Variants in NUP188 observed in about 807,000 individuals in gnomAD.
The protein encoded by NUP188 is nucleoporin NUP188.
In NUP188, 97 loss-of-function variants were observed where a neutral mutation model predicts 223.0. The ratio of observed to expected loss-of-function variants is 0.43; its 90% CI spans 0.37 to 0.51. NUP188 has a LOEUF of 0.51. Ranked by LOEUF, NUP188 falls within the 20% of genes least tolerant of loss-of-function variation. NUP188 has a pLI of 0.00. For missense variants in NUP188, 1,947 were observed against 2,175.6 expected (o/e 0.89, Z 2.09); for synonymous variants, 869 against 828.0 (o/e 1.05, Z -0.85).
chr9:129,006,408 GCCAGAGCC>G (rs1325703971), intron 43 of NUP188, 40 bp downstream of exon 43: 1 of 1,613,986 alleles, frequency 6.2e-7, no homozygotes, highest in Admixed American at 1.7e-5. Context: ...GACCAATAGG[GCCAGAGCC>G]CTGTGGGGTC....
At chr9:128,948,974 C>T (rs1410794139) in intron 1 of NUP188, 1 of 396,948 alleles carries the variant, frequency 2.5e-6, no homozygotes, top group Admixed American at 4.2e-5. Context: ...ATCCGCCCGC[C>T]TCGACCTCCC....
intron 1 of NUP188, 150 bp downstream of exon 1, chr9:128,947,901 G>C (rs969193070): frequency 8.0e-6 from 5 of 625,496 alleles, no homozygotes; most frequent in South Asian, 1.1e-4. Context: ...AGGCGGTTAC[G>C]TCCAAACGGT....
Position 128,995,375 on chromosome 9 carries a change from G to T in NUP188, c.3212G>T (p.Arg1071Leu). 6.2e-7 allele frequency: 1 copy of T among 1,614,136 alleles called. No individual in the cohort carries two copies. The highest frequency in any genetic ancestry group is 8.5e-7 in the Non-Finnish European group (1 of 1,180,010). Residue 1071 changes from arginine to leucine, a missense_variant, in exon 30 of 44, where the codon CGC becomes CTC. This residue lies in a region of NUP188 where 905 missense variants were observed against 990.6 expected (regional missense o/e 0.91). Transcript: ENST00000372577. ...CTGAAGAAATTTTCCATCGAGAAAC[G>T]CTTTGCCTACTGGTCAGGGTATGTC... The part of the protein sequence containing the change: ...DTLKKFSIEK[R>L]FAYWSGYVKS...
intron 11 of NUP188, among the ~76,000 whole-genome samples, 171 bp from the exon 12 acceptor site, chr9:128,972,989 C>G (rs1842123080): frequency 6.6e-6 from 1 of 152,218 alleles, no homozygotes; most frequent in African/African-American, 2.4e-5. Context: ...TTCCTGCTTT[C>G]TCTTTTCTCC....
At chr9:128,948,061 G>C (rs1303199320) in intron 1 of NUP188, 2 of 298,422 alleles carry the variant, frequency 6.7e-6, no homozygotes, top group South Asian at 3.2e-4. Flanking sequence ...CCCCACCCGC[G>C]CTTCCTTCTC....
At position 129,005,151 on chromosome 9, in the gene NUP188, A is replaced by G. The variant is rs914830079; in HGVS notation, c.4439A>G (p.Asn1480Ser). 1.2e-6 allele frequency: 2 copies of G among 1,613,724 alleles called. No individual in the cohort carries two copies. Among genetic ancestry groups the G allele is most frequent in the African/African-American group, 2.7e-5 (2 of 74,902 alleles). Residue 1480 changes from asparagine to serine, a missense_variant, in exon 39 of 44, where the codon AAC becomes AGC. Physicochemically the swap from Asn to Ser is conservative, Grantham distance 46 (BLOSUM62 1). Coordinates refer to ENST00000372577, the MANE Select transcript of NUP188 (RefSeq NM_015354.3). ...LPQLMRDIQV[N>S]LGYLCQACTS... ...TCTCTCCTGTGTCTCTCCCAGGTCA[A>G]CCTGGGTTACTTGTGCCAGGCATGT...
intron 1 of NUP188, 56 bp from the exon 2 acceptor site, chr9:128,949,133 G>A: frequency 7.6e-7 from 1 of 1,308,228 alleles, no homozygotes; most frequent in Non-Finnish European, 1.1e-6. Flanking sequence ...ATGAGGCAGT[G>A]TACAAGTTTG....
intron 31 of NUP188, 137 bp downstream of exon 31, chr9:128,998,365 C>A (rs1360726881): frequency 6.0e-6 from 6 of 1,000,594 alleles, no homozygotes; most frequent in Non-Finnish European, 9.5e-6. Context: ...AGGCCTGAGA[C>A]TGTAGTGGGT....
At chr9:128,967,536 A>T (rs796376001) in intron 8 of NUP188, among the ~76,000 whole-genome samples, 14 of 152,238 alleles carry the variant, frequency 9.2e-5, no homozygotes, top group African/African-American at 3.4e-4. Flanking sequence ...CACGCCTGTA[A>T]TCCCAGCACT....
chr9:128,984,113 C>T (rs1034979941), intron 19 of NUP188, among the ~76,000 whole-genome samples: 6 of 120,072 alleles, frequency 5.0e-5, no homozygotes, highest in South Asian at 2.7e-4. Flanking sequence ...TGAGCCACCG[C>T]GCCTGGCCTG....
intron 8 of NUP188, among the ~76,000 whole-genome samples, chr9:128,961,881 A>G (rs1278799158): frequency 1.3e-5 from 2 of 150,762 alleles, no homozygotes; most frequent in African/African-American, 4.9e-5. Context: ...TTGGCCTCCA[A>G]AGCGCTGGGA....
intron 34 of NUP188, among the ~76,000 whole-genome samples, chr9:129,000,707 T>TG (rs1414314457): frequency 1.3e-5 from 2 of 152,030 alleles, no homozygotes; most frequent in African/African-American, 4.8e-5. Context: ...GTATTATTAG[T>TG]GAAAAACTGT....
chr9:128,973,195 A>G lies in NUP188; in HGVS notation c.1149A>G (p.Gly383=), dbSNP rs1299973416. ...TTSTACMCVY[G]LLSFVLTSLE... ...GCACTGCATGCATGTGTGTCTATGG[A>G]CTGCTCTCTTTCGTTCTGACCTCGT... The change falls in exon 12 of 44, where the codon GGA becomes GGG. Residue 383 remains glycine (G), a synonymous_variant. Coordinates refer to ENST00000372577, the MANE Select transcript of NUP188 (RefSeq NM_015354.3). The G allele has an allele frequency of 1.9e-6, 3 of 1,613,508 alleles. No homozygotes were observed. The African/African-American group carries it at 4.0e-5, about 22-fold the overall frequency.
chr9:128,995,607 T>C (rs895264457), intron 30 of NUP188, 93 bp downstream of exon 30: 26 of 1,100,008 alleles, frequency 2.4e-5, no homozygotes, highest in Non-Finnish European at 3.0e-5. Context: ...TGCGGAAGAA[T>C]TAATCAGGGT....
chr9:128,975,497 C>T (rs572030204), intron 12 of NUP188, among the ~76,000 whole-genome samples: 49 of 152,024 alleles, frequency 3.2e-4, no homozygotes, highest in African/African-American at 1.1e-3. Flanking sequence ...GCTAGGATTA[C>T]AGGCGTGAGC....
intron 27 of NUP188, 53 bp from the exon 28 acceptor site, chr9:128,994,320 A>G (rs1288014759): frequency 2.4e-6 from 3 of 1,270,008 alleles, no homozygotes; most frequent in East Asian, 2.3e-5. Flanking sequence ...GAGAGGAGAA[A>G]ATGACTGTGA....
In NUP188 at chr9:128,999,290, A is replaced by G. The variant is rs778116159; in HGVS notation, c.3634A>G (p.Thr1212Ala). The G allele has an allele frequency of 1.2e-6, 2 of 1,614,162 alleles. No homozygotes were observed. The highest frequency in any genetic ancestry group is 2.2e-5 in the South Asian group (2 of 91,090). The change falls in exon 33 of 44, where the codon ACA becomes GCA. Residue 1212 changes from threonine to alanine, a missense_variant. By Grantham distance (58) the Thr-to-Ala change is moderately conservative. This residue lies in a region of NUP188 where 905 missense variants were observed against 990.6 expected (regional missense o/e 0.91). Transcript: ENST00000372577. ...GGCCAAGGTGTTCTCAGCATTCATC[A>G]CAGTGTTGCAAATGAAGGAGATGAA... Reference protein sequence around the residue: ...TKAKVFSAFITVLQMKEMKVS... With the variant: ...TKAKVFSAFIAVLQMKEMKVS...
At chr9:128,966,172 T>C (rs1363664320) in intron 8 of NUP188, among the ~76,000 whole-genome samples, 2 of 146,534 alleles carry the variant, frequency 1.4e-5, no homozygotes, top group South Asian at 4.3e-4. Flanking sequence ...TGTGTGTGCG[T>C]GTGCCCAGCC....
chr9:128,959,630 T>G (rs1262428456), intron 8 of NUP188, among the ~76,000 whole-genome samples: 2 of 151,390 alleles, frequency 1.3e-5, no homozygotes, highest in African/African-American at 4.9e-5. Context: ...CCTCCCGGGT[T>G]CAAGTGATTC....
Sources: gnomAD v4.1 joint callset for allele counts (sites outside exome capture counted in the v4.1 genomes callset) on GRCh38, gnomAD v4.1.1 for gene constraint, gnomAD v4.1.1 regional missense constraint, MANE v1.5 for transcripts, NCBI Gene and HGNC (gene_info 2026-07-23, HGNC 2026-07-21) for gene names.